Variants in GABRA5 observed in about 807,000 individuals in gnomAD.
GABRA5 encodes gamma-aminobutyric acid type A receptor subunit alpha5.
A neutral mutation model predicts 47.3 loss-of-function variants in GABRA5; 18 were observed. That is an observed-to-expected ratio of 0.38 (90% confidence interval 0.26 to 0.56). The LOEUF is 0.56. Among genes scored for constraint, GABRA5 ranks in the 20% least tolerant of loss-of-function variants. The probability of loss-of-function intolerance (pLI) is 0.71; values close to 1 mark genes in which losing one functional copy is unlikely to be tolerated. For missense variants in GABRA5, 365 were observed against 599.3 expected (o/e 0.61, Z 4.08); for synonymous variants, 237 against 229.3 (o/e 1.03, Z -0.30).
chr15:26,930,105 C>T (rs374196196), intron 7 of GABRA5, among the ~76,000 whole-genome samples: 10 of 151,618 alleles, frequency 6.6e-5, no homozygotes, highest in South Asian at 4.2e-4. Flanking sequence ...CTCCACCTCC[C>T]GGGTTCAAGC....
intron 4 of GABRA5, among the ~76,000 whole-genome samples, chr15:26,882,913 A>T (rs1270687032): frequency 6.6e-6 from 1 of 152,216 alleles, no homozygotes; most frequent in Non-Finnish European, 1.5e-5. Flanking sequence ...AGGTCTTTCC[A>T]GGACTGCTCC....
In GABRA5 at chr15:26,949,016, C is replaced by T. The variant is rs1237480260; in HGVS notation, c.*783C>T. 1.3e-5 allele frequency: 2 copies of T among 152,156 alleles called. No individual in the cohort carries two copies. The highest frequency in any genetic ancestry group is 2.9e-5 in the Non-Finnish European group (2 of 68,028). The allele number at this position is 152,156 out of a possible 1,614,324, so 9.4% of individuals were successfully genotyped here. ...ATTCTCAGCACTTGGCCCATGTGAT[C>T]GCTGTCTCTGAAACACTGACCACCT... On this transcript the variant is annotated 3_prime_UTR_variant, in exon 11 of 11. Transcript: ENST00000335625.
intron 6 of GABRA5, among the ~76,000 whole-genome samples, chr15:26,909,588 C>T (rs1276983334): frequency 3.9e-5 from 6 of 152,174 alleles, no homozygotes; most frequent in Admixed American, 3.3e-4. Context: ...CTGTTTCTTG[C>T]CTCTTCCGGT....
rs372457430 is a variant in GABRA5, at chr15:26,880,957, C to G, written c.198C>G (p.Pro66=). ...ATGGCTACGACAACAGACTTCGGCCCGGGCTGGGAGGTGAGTGTGCTCTCC... is the reference window on the plus strand; with the variant it reads ...ATGGCTACGACAACAGACTTCGGCCGGGGCTGGGAGGTGAGTGTGCTCTCC... ...LLDGYDNRLR[P]GLGERITQVR... Residue 66 remains proline (P), a synonymous_variant, in exon 4 of 11, where the codon CCC becomes CCG. Transcript: ENST00000335625. The G allele has an allele frequency of 2.5e-6, 4 of 1,613,852 alleles. No individual in the cohort carries two copies. Among genetic ancestry groups the G allele is most frequent in the Non-Finnish European group, 1.7e-6 (2 of 1,179,828 alleles).
Position 26,883,357 on chromosome 15 carries a change from T to C in GABRA5, c.297T>C (p.Phe99=). The C allele has an allele frequency of 6.2e-7, 1 of 1,613,996 alleles. No individual in the cohort carries two copies. Among genetic ancestry groups the C allele is most frequent in the Non-Finnish European group, 8.5e-7 (1 of 1,179,882 alleles). ...DTEMEYTIDV[F]FRQSWKDERL... ...ACTAGGAGTACACCATAGACGTGTT[T>C]TTCCGACAAAGCTGGAAAGATGAAA... The change falls in exon 6 of 11, where the codon TTT becomes TTC. Residue 99 remains phenylalanine (F), a synonymous_variant. Transcript: ENST00000335625. This position sits in a 1 kb window ranked among gnomAD's most constrained non-coding sequence, Gnocchi z 4.8.
chr15:26,931,510 A>G (rs1386182903), intron 7 of GABRA5, among the ~76,000 whole-genome samples: 1 of 152,110 alleles, frequency 6.6e-6, no homozygotes, highest in Non-Finnish European at 1.5e-5. Flanking sequence ...ATTTTAACAT[A>G]AGAATTTTGT....
At position 26,948,137 on chromosome 15, in the gene GABRA5, C is replaced by T. The variant is rs776674172; in HGVS notation, c.1293C>T (p.Ile431=). 1.9e-6 allele frequency: 3 copies of T among 1,613,564 alleles called. No individual in the cohort carries two copies. Among genetic ancestry groups the T allele is most frequent in the Non-Finnish European group, 8.5e-7 (1 of 1,179,760 alleles). The change falls in exon 11 of 11, where the codon ATC becomes ATT. Residue 431 remains isoleucine (I), a synonymous_variant. Transcript: ENST00000335625. ...SISKIDKMSR[I]VFPVLFGTFN... is the part of the protein sequence containing the mutation. ...GCAAAATTGACAAAATGTCCCGAAT[C>T]GTATTCCCAGTCTTGTTCGGCACTT... is the stretch of plus-strand genomic sequence containing the variant.
At chr15:26,910,822 G>A (rs1893564228) in intron 6 of GABRA5, among the ~76,000 whole-genome samples, 5 of 151,854 alleles carry the variant, frequency 3.3e-5, no homozygotes, top group South Asian at 4.2e-4. Context: ...TTTCTTTATC[G>A]AAAAAGTGAG....
intron 6 of GABRA5, among the ~76,000 whole-genome samples, chr15:26,914,002 A>G (rs1240765222): frequency 6.6e-6 from 1 of 152,156 alleles, no homozygotes; most frequent in African/African-American, 2.4e-5. Flanking sequence ...TTATAGCACC[A>G]GATCTCCCCG....
chr15:26,902,176 C>T (rs1422873179), intron 6 of GABRA5, among the ~76,000 whole-genome samples: 1 of 152,026 alleles, frequency 6.6e-6, no homozygotes, highest in African/African-American at 2.4e-5. Context: ...TTAATATCCA[C>T]AAAACAACGT....
intron 6 of GABRA5, among the ~76,000 whole-genome samples, chr15:26,893,552 A>C (rs1893094740): frequency 6.6e-6 from 1 of 151,300 alleles, no homozygotes; most frequent in Non-Finnish European, 1.5e-5. Context: ...GGAGGACTGC[A>C]GCTGGTCGGG....
chr15:26,918,510 G>A (rs1893768718), intron 7 of GABRA5, among the ~76,000 whole-genome samples: 1 of 152,118 alleles, frequency 6.6e-6, no homozygotes, highest in Non-Finnish European at 1.5e-5. Flanking sequence ...CTTTGTTGAT[G>A]TTCTGTCTGG....
rs779455755 is a variant in GABRA5, at chr15:26,869,260, A to G, written c.12A>G (p.Gly4=). 6.3e-7 allele frequency: 1 copy of G among 1,594,992 alleles called. No homozygotes were observed. Among genetic ancestry groups the G allele is most frequent in the East Asian group, 2.2e-5 (1 of 44,794 alleles). ...TATTCTTATTGGGAATGGACAATGG[A>G]ATGTTCTCTGGTTTTATCATGATCA... is the stretch of plus-strand genomic sequence containing the variant. MDN[G]MFSGFIMIKN... The change falls in exon 3 of 11, where the codon GGA becomes GGG. Residue 4 remains glycine, a synonymous_variant. Transcript: ENST00000335625.
Position 26,937,185 on chromosome 15 carries a change from A to G in GABRA5, c.581A>G (p.Tyr194Cys). 1 of 1,613,910 alleles carries G rather than the reference A, an allele frequency of 6.2e-7. No individual in the cohort carries two copies. Among genetic ancestry groups the G allele is most frequent in the Non-Finnish European group, 8.5e-7 (1 of 1,179,856 alleles). Residue 194 changes from tyrosine (Y) to cysteine (C), a missense_variant and splice_region_variant, in exon 8 of 11, where the codon TAT (tyrosine) becomes TGT (cysteine). Coordinates refer to ENST00000335625, the MANE Select transcript of GABRA5 (RefSeq NM_000810.4). ...AHACPLKFGS[Y>C]AYPNSEVVYV... ...CACTTTCTGCCCCCTCCTCATACAG[A>G]TGCGTACCCTAATTCTGAAGTCGTT...
At chr15:26,895,824 A>AG (rs760665861) in intron 6 of GABRA5, among the ~76,000 whole-genome samples, 44,308 of 140,344 alleles carry the variant, frequency 0.32, 8,128 homozygotes, top group Middle Eastern at 0.44. Context: ...AAAAAAAAAA[A>AG]AAAAGAAGAA....
chr15:26,924,983 A>T (rs1893926550), intron 7 of GABRA5, among the ~76,000 whole-genome samples: 1 of 152,190 alleles, frequency 6.6e-6, no homozygotes, highest in African/African-American at 2.4e-5. Flanking sequence ...TTTTTCCTAC[A>T]TTTATTTTAT....
chr15:26,875,877 A>T (rs1892585147), intron 3 of GABRA5, among the ~76,000 whole-genome samples: 1 of 152,058 alleles, frequency 6.6e-6, no homozygotes, highest in South Asian at 2.1e-4. Flanking sequence ...TAATGATGTG[A>T]CTTAAACGTT....
At chr15:26,870,392 G>A (rs539453082) in intron 3 of GABRA5, among the ~76,000 whole-genome samples, 2 of 152,182 alleles carry the variant, frequency 1.3e-5, no homozygotes, top group African/African-American at 4.8e-5. Flanking sequence ...AGACAGCATT[G>A]GGACTTTAGT....
At chr15:26,876,966 T>C (rs1244804363) in intron 3 of GABRA5, among the ~76,000 whole-genome samples, 4 of 152,070 alleles carry the variant, frequency 2.6e-5, no homozygotes, top group Non-Finnish European at 5.9e-5. Context: ...TGTGGGGCCA[T>C]AGGGCTTGGG....
Sources: allele counts gnomAD v4.1 joint callset (sites outside exome capture counted in the v4.1 genomes callset), GRCh38; gene constraint gnomAD v4.1.1; non-coding constraint Gnocchi (gnomAD v3.1); transcripts MANE v1.5; gene names NCBI Gene and HGNC (gene_info 2026-07-23, HGNC 2026-07-21).